The following SLC22A25 variants were observed in gnomAD, a reference collection of about 807,000 sequenced individuals.
SLC22A25 encodes solute carrier family 22 member 25, also known as MGI:2442751, MGI:2385316, MGI:3042283, MGI:3645714, MGI:3605624, MGI:2442750.
SLC22A25 carries 44 observed loss-of-function variants against 45.9 expected under a neutral mutation model. The ratio of observed to expected loss-of-function variants is 0.96; its 90% confidence interval spans 0.75 to 1.23. The LOEUF (loss-of-function observed/expected upper bound fraction) is 1.23, where lower values mean the gene tolerates loss of function less well. SLC22A25 is among the 50% of genes most tolerant of loss of function. The probability of loss-of-function intolerance (pLI) is 0.00; values close to 1 mark genes in which losing one functional copy is unlikely to be tolerated. For synonymous variants in SLC22A25, 283 were observed against 238.6 expected, an observed-to-expected ratio of 1.19 and a Z score of -1.72; for missense variants, 800 against 666.4, an observed-to-expected ratio of 1.20 and a Z score of -2.21.
At chr11:63,191,630 G>C (rs1227214769) in intron 7 of SLC22A25, among the ~76,000 whole-genome samples, 1 of 152,146 alleles carries the variant, frequency 6.6e-6, no homozygotes, top group Non-Finnish European at 1.5e-5. Flanking sequence ...CCTGTCTTCT[G>C]TGTTGCTCAC....
intron 7 of SLC22A25, among the ~76,000 whole-genome samples, chr11:63,188,587 G>A (rs1171754670): frequency 6.6e-6 from 1 of 152,140 alleles, no homozygotes; most frequent in Non-Finnish European, 1.5e-5. Flanking sequence ...CCTTCTGCTA[G>A]CTTTTGAATG....
At chr11:63,197,536 A>G (rs758442985) in intron 7 of SLC22A25, among the ~76,000 whole-genome samples, 18 of 152,124 alleles carry the variant, frequency 1.2e-4, no homozygotes, top group Non-Finnish European at 2.2e-4. Flanking sequence ...GAAAGCTAAA[A>G]CTGGATCCCT....
At chr11:63,172,912 T>G (rs888645136) in intron 9 of SLC22A25, among the ~76,000 whole-genome samples, 2 of 152,114 alleles carry the variant, frequency 1.3e-5, no homozygotes, top group African/African-American at 4.8e-5. Flanking sequence ...TAAGGACACA[T>G]GCACATGTAT....
In SLC22A25 at chr11:63,161,681, A is replaced by C. The variant is rs2087534817; in HGVS notation, c.*2143T>G. ...CCCTCCACCAGGATTGTGAGGCTTC[A>C]CCAGCTATGTGGAACTGTGAGTCCA... On this transcript the variant is annotated 3_prime_UTR_variant, in exon 12 of 12. Transcript: ENST00000306494. Among the ~76,000 whole-genome samples the C allele has an allele frequency of 6.6e-6, 1 of 152,214 alleles. No individual in the cohort carries two copies. The highest frequency in any genetic ancestry group is 2.1e-4 in the South Asian group (1 of 4,824).
At chr11:63,175,029 T>C (rs936903415) in intron 9 of SLC22A25, among the ~76,000 whole-genome samples, 8 of 152,164 alleles carry the variant, frequency 5.3e-5, no homozygotes, top group Non-Finnish European at 1.2e-4. Context: ...CATATGTCAA[T>C]GGACATTTAA....
chr11:63,226,230 G>A (rs10897396), intron 5 of SLC22A25, among the ~76,000 whole-genome samples: 55,705 of 151,798 alleles, frequency 0.37, 10,524 homozygotes, highest in East Asian at 0.56. Context: ...GCATTTAAAC[G>A]TTAGATATTC....
intron 5 of SLC22A25, among the ~76,000 whole-genome samples, chr11:63,222,344 C>T (rs1175110527): frequency 6.6e-6 from 1 of 151,904 alleles, no homozygotes. Flanking sequence ...TCTTTCACTT[C>T]TTAGGTTATA....
intron 10 of SLC22A25, among the ~76,000 whole-genome samples, chr11:63,165,702 A>C (rs1470670448): frequency 6.6e-6 from 1 of 152,200 alleles, no homozygotes; most frequent in Non-Finnish European, 1.5e-5. Context: ...ATTGGGATAC[A>C]AAGGCCCAGC....
chr11:63,171,325 G>T (rs185202712), intron 9 of SLC22A25, among the ~76,000 whole-genome samples: 47 of 152,292 alleles, frequency 3.1e-4, no homozygotes, highest in African/African-American at 1.1e-3. Flanking sequence ...AACCAGGCAA[G>T]AGAAGGAAAT....
At position 63,229,286 on chromosome 11, in the gene SLC22A25, C is replaced by A; in HGVS notation, c.367G>T (p.Asp123Tyr). ...TEPCVDGWVY[D>Y]QSSFPSTIVT... ...ATGGTGGAAGGGAAGGAGCTTTGGT[C>A]ATATACCCAGCCATCCACACAGGGC... The change falls in exon 4 of 12, where the codon GAC (aspartate) becomes TAC (tyrosine). Residue 123 changes from aspartate to tyrosine, a missense_variant. Asp to Tyr is a radical substitution (Grantham distance 160). Coordinates refer to ENST00000306494, the MANE Select transcript of SLC22A25 (RefSeq NM_199352.6). 6.3e-7 allele frequency: 1 copy of A among 1,576,440 alleles called. No homozygotes were observed. The highest frequency in any genetic ancestry group is 8.6e-7 in the Non-Finnish European group (1 of 1,159,476).
At chr11:63,197,894 C>T (rs1330105414) in intron 7 of SLC22A25, among the ~76,000 whole-genome samples, 2 of 151,536 alleles carry the variant, frequency 1.3e-5, no homozygotes, top group Non-Finnish European at 2.9e-5. Context: ...ATGAAACAAC[C>T]CCGTCAAAAA....
chr11:63,222,168 T>C (rs537131363), intron 5 of SLC22A25, among the ~76,000 whole-genome samples: 2 of 152,252 alleles, frequency 1.3e-5, no homozygotes, highest in South Asian at 2.1e-4. Context: ...CTGAGAATAA[T>C]GTAATTGGTA....
At chr11:63,184,913 G>T (rs1272213583) in intron 7 of SLC22A25, among the ~76,000 whole-genome samples, 1 of 152,108 alleles carries the variant, frequency 6.6e-6, no homozygotes, top group Non-Finnish European at 1.5e-5. Flanking sequence ...TGAAAACGCA[G>T]TAGTGATGGC....
rs548783635 is a variant in SLC22A25 at position 63,236,370 on chromosome 11, C to T, written c.-445+1511G>A. 5.3e-5 allele frequency among the ~76,000 whole-genome samples: 8 copies of T among 152,304 alleles called. No individual in the cohort carries two copies. In the South Asian group the frequency reaches 1.7e-3, roughly 32 times the overall value. On this transcript the variant is annotated intron_variant, in intron 3 of 11. Transcript: ENST00000306494. ...GGCACCCCTCCCCCAGCCTTGCTGC[C>T]ACCTTGCAGTTTGATCTCAGACTGC...
rs79589728 is a variant in SLC22A25, at chr11:63,174,743, C to T, written c.1070+5917G>A. 3.5e-3 allele frequency among the ~76,000 whole-genome samples: 539 copies of T among 152,220 alleles called. 2 individuals carry two copies. Among genetic ancestry groups the T allele is most frequent in the African/African-American group, 0.012 (483 of 41,530 alleles). ...TCTTAACTGTATGCATAATGTTGCACAGCATCTTGCGTAACTGACACTTTA... is the reference window on the plus strand; with the variant it reads ...TCTTAACTGTATGCATAATGTTGCATAGCATCTTGCGTAACTGACACTTTA... On this transcript the variant is annotated intron_variant, in intron 9 of 11. Coordinates refer to ENST00000306494, the MANE Select transcript of SLC22A25 (RefSeq NM_199352.6).
At chr11:63,173,234 G>A (rs1043985559) in intron 9 of SLC22A25, among the ~76,000 whole-genome samples, 3 of 151,776 alleles carry the variant, frequency 2.0e-5, no homozygotes, top group Non-Finnish European at 2.9e-5. Flanking sequence ...GGGGGCAAGG[G>A]GTGGGAGAGC....
intron 7 of SLC22A25, 31 bp downstream of exon 7, chr11:63,217,283 A>C: frequency 6.2e-7 from 1 of 1,604,596 alleles, no homozygotes; most frequent in Non-Finnish European, 8.5e-7. Flanking sequence ...CAAGGATGTC[A>C]TATGGCAAAA....
intron 7 of SLC22A25, among the ~76,000 whole-genome samples, chr11:63,215,640 A>C (rs746409205): frequency 2.0e-5 from 3 of 152,020 alleles, no homozygotes; most frequent in Non-Finnish European, 2.9e-5. Flanking sequence ...TTTATTTTAG[A>C]TTTGGGGCAC....
At chr11:63,176,728 C>T (rs1368858814) in intron 9 of SLC22A25, among the ~76,000 whole-genome samples, 1 of 151,914 alleles carries the variant, frequency 6.6e-6, no homozygotes, top group Admixed American at 6.6e-5. Flanking sequence ...CTGGTTAGCA[C>T]TTTAAGTACT....
Sources: gnomAD v4.1 joint callset for allele counts (sites outside exome capture counted in the v4.1 genomes callset) on GRCh38, gnomAD v4.1.1 for gene constraint, MANE v1.5 for transcripts, NCBI Gene and HGNC (gene_info 2026-07-23, HGNC 2026-07-21) for gene names.